The following CATSPERT variants were observed in gnomAD, a reference collection of about 807,000 sequenced individuals.
CATSPERT encodes catsper channel auxiliary subunit tau.
the CATSPERT span, chr2:201,492,256 T>C: frequency 6.6e-7 from 1 of 1,522,224 alleles, no homozygotes; most frequent in Non-Finnish European, 8.8e-7. Context: ...TTTTATATAT[T>C]TTAATGGTAT....
the CATSPERT span, among the ~76,000 whole-genome samples, chr2:201,606,877 C>T: frequency 1.2e-4 from 17 of 142,580 alleles, no homozygotes; most frequent in South Asian, 4.4e-4. Context: ...CCAGCTTGGG[C>T]GATAGAGTAA....
At chr2:201,615,158 G>T in the CATSPERT span, among the ~76,000 whole-genome samples, 1 of 152,100 alleles carries the variant, frequency 6.6e-6, no homozygotes, top group African/African-American at 2.4e-5. Flanking sequence ...GAGACAGAAA[G>T]TTAACAAGGA....
chr2:201,513,640 T>C, the CATSPERT span, among the ~76,000 whole-genome samples: 59,595 of 152,076 alleles, frequency 0.39, 12,095 homozygotes, highest in African/African-American at 0.46. Context: ...GTATGTTCAT[T>C]GCAGCACCAT....
the CATSPERT span, among the ~76,000 whole-genome samples, chr2:201,579,909 T>C: frequency 4.6e-5 from 7 of 151,284 alleles, no homozygotes; most frequent in African/African-American, 1.7e-4. Context: ...TGGAGTGCAG[T>C]AGCACGATCA....
chr2:201,507,233 T>C, the CATSPERT span, among the ~76,000 whole-genome samples: 3 of 152,138 alleles, frequency 2.0e-5, no homozygotes, highest in Non-Finnish European at 4.4e-5. Flanking sequence ...TATGTCCAAA[T>C]ATTGCCTGAA....
At chr2:201,560,623 T>G in the CATSPERT span, among the ~76,000 whole-genome samples, 2 of 152,040 alleles carry the variant, frequency 1.3e-5, no homozygotes, top group Admixed American at 1.3e-4. Context: ...TACGGGACAC[T>G]GTTAAACAAA....
At chr2:201,566,872 T>C in the CATSPERT span, among the ~76,000 whole-genome samples, 1 of 152,238 alleles carries the variant, frequency 6.6e-6, no homozygotes, top group Non-Finnish European at 1.5e-5. Context: ...GCAATGTTCA[T>C]ATGGCTATGT....
At chr2:201,513,116 T>TA in the CATSPERT span, among the ~76,000 whole-genome samples, 13 of 146,964 alleles carry the variant, frequency 8.8e-5, no homozygotes, top group Admixed American at 4.7e-4. Flanking sequence ...AATAAAAAAA[T>TA]AAAAAAAAGA....
the CATSPERT span, among the ~76,000 whole-genome samples, chr2:201,523,984 T>C: frequency 6.6e-6 from 1 of 152,076 alleles, no homozygotes; most frequent in Non-Finnish European, 1.5e-5. Flanking sequence ...CTGAGAAATA[T>C]AGGGTTATGT....
At chr2:201,575,221 T>G in the CATSPERT span, 158 of 1,349,628 alleles carry the variant, frequency 1.2e-4, no homozygotes, top group Non-Finnish European at 1.4e-4. Flanking sequence ...TAAAGTTACA[T>G]GAAATGTTAA....
chr2:201,499,942 C>G, the CATSPERT span, among the ~76,000 whole-genome samples: 4 of 150,178 alleles, frequency 2.7e-5, no homozygotes, highest in Non-Finnish European at 5.9e-5. Flanking sequence ...CATCAACCCC[C>G]CTACTACTAT....
the CATSPERT span, chr2:201,493,700 C>A: frequency 6.5e-7 from 1 of 1,537,400 alleles, no homozygotes; most frequent in Non-Finnish European, 8.7e-7. Flanking sequence ...GGCTCTTTCA[C>A]TTCTATCTCC....
At chr2:201,536,187 G>A in the CATSPERT span, 1 of 1,613,476 alleles carries the variant, frequency 6.2e-7, no homozygotes, top group Non-Finnish European at 8.5e-7. Flanking sequence ...GTTAGAAATA[G>A]TGCACAATGA....
At chr2:201,502,624 C>A in the CATSPERT span, among the ~76,000 whole-genome samples, 1 of 143,754 alleles carries the variant, frequency 7.0e-6, no homozygotes, top group Non-Finnish European at 1.5e-5. Context: ...GTAAATATTT[C>A]TTATTTAAAT....
At chr2:201,496,087 TAAC>T in the CATSPERT span, 5 of 600,318 alleles carry the variant, frequency 8.3e-6, no homozygotes, top group East Asian at 6.0e-5. Context: ...ATTTTTATCA[TAAC>T]AACTATACCT....
At chr2:201,551,080 C>T in the CATSPERT span, 1 of 152,280 alleles carries the variant, frequency 6.6e-6, no homozygotes, top group African/African-American at 2.4e-5. Context: ...GAACTGTGCA[C>T]GTCCACCTAT....
the CATSPERT span, among the ~76,000 whole-genome samples, chr2:201,615,384 A>G: frequency 6.6e-6 from 1 of 152,234 alleles, no homozygotes; most frequent in African/African-American, 2.4e-5. Context: ...ATCAAACTAC[A>G]ACTCAGGATT....
At chr2:201,527,509 C>T in the CATSPERT span, among the ~76,000 whole-genome samples, 5 of 152,000 alleles carry the variant, frequency 3.3e-5, no homozygotes, top group Admixed American at 1.3e-4. Flanking sequence ...CTTCAAACTA[C>T]AGTACAAGGT....
At chr2:201,545,075 T>C in the CATSPERT span, among the ~76,000 whole-genome samples, 1 of 152,094 alleles carries the variant, frequency 6.6e-6, no homozygotes, top group Non-Finnish European at 1.5e-5. Context: ...TCTCACTCTG[T>C]CGCCCAGGCT....
Sources: allele counts gnomAD v4.1 joint callset (sites outside exome capture counted in the v4.1 genomes callset), GRCh38; gene constraint gnomAD v4.1.1; transcripts MANE v1.5; gene names NCBI Gene and HGNC (gene_info 2026-07-23, HGNC 2026-07-21).